PPP1R9A: variants seen among roughly 807,000 people sequenced by gnomAD.
PPP1R9A encodes neurabin-1.
PPP1R9A carries 59 observed loss-of-function variants against 141.9 expected under a neutral mutation model. The ratio of observed to expected loss-of-function variants is 0.42; its 90% CI spans 0.34 to 0.52. The LOEUF (loss-of-function observed/expected upper bound fraction) is 0.52, where lower values mean the gene tolerates loss of function less well. PPP1R9A is among the 20% of genes least tolerant of loss of function. PPP1R9A has a pLI of 0.10. For synonymous variants in PPP1R9A, 500 were observed against 569.7 expected (o/e 0.88, Z 1.74); for missense variants, 1,444 against 1,611.9 (o/e 0.90, Z 1.78).
intron 5 of PPP1R9A, among the ~76,000 whole-genome samples, chr7:95,165,977 G>A (rs548855999): frequency 2.1e-4 from 32 of 151,860 alleles, no homozygotes; most frequent in African/African-American, 4.3e-4. Flanking sequence ...GTAAAACCCC[G>A]TCTCTACTAA....
At chr7:95,105,966 TGAAA>T (rs1327974731) in intron 2 of PPP1R9A, among the ~76,000 whole-genome samples, 1 of 152,128 alleles carries the variant, frequency 6.6e-6, no homozygotes, top group Non-Finnish European at 1.5e-5. Flanking sequence ...AACATGTTTA[TGAAA>T]GAGAGTATGA....
chr7:95,221,553 C>T (rs1389606816), intron 7 of PPP1R9A, among the ~76,000 whole-genome samples: 1 of 151,954 alleles, frequency 6.6e-6, no homozygotes, highest in Admixed American at 6.6e-5. Flanking sequence ...AGAGACACAA[C>T]CTGTTGGTTG....
chr7:94,915,148 C>A (rs150562544), intron 2 of PPP1R9A, among the ~76,000 whole-genome samples: 4 of 152,314 alleles, frequency 2.6e-5, no homozygotes, highest in Non-Finnish European at 5.9e-5. Flanking sequence ...TTTCTCAAAT[C>A]ATATGGAGCT....
At chr7:94,931,576 T>G (rs900758719) in intron 2 of PPP1R9A, among the ~76,000 whole-genome samples, 1 of 152,138 alleles carries the variant, frequency 6.6e-6, no homozygotes, top group African/African-American at 2.4e-5. Context: ...GACTGGATTC[T>G]TTCTTATTTT....
chr7:95,254,322 G>A (rs1026212475), intron 12 of PPP1R9A, among the ~76,000 whole-genome samples: 2 of 152,162 alleles, frequency 1.3e-5, no homozygotes, highest in Admixed American at 1.3e-4. Flanking sequence ...AAATGGCGTG[G>A]TCAGTAGCTA....
chr7:95,000,451 A>AT (rs567612797), intron 2 of PPP1R9A, among the ~76,000 whole-genome samples: 7 of 151,302 alleles, frequency 4.6e-5, no homozygotes, highest in Non-Finnish European at 8.9e-5. Flanking sequence ...TAGTAGTTTG[A>AT]TTTTTTTTTA....
chr7:95,105,109 T>G (rs533763636), intron 2 of PPP1R9A, among the ~76,000 whole-genome samples: 1 of 152,316 alleles, frequency 6.6e-6, no homozygotes, highest in South Asian at 2.1e-4. Context: ...GGAGATTCCT[T>G]CCAGTCAGTA....
At chr7:95,131,988 A>G (rs1320285540) in intron 4 of PPP1R9A, among the ~76,000 whole-genome samples, 2 of 152,082 alleles carry the variant, frequency 1.3e-5, no homozygotes, top group African/African-American at 4.8e-5. Context: ...TTAGCTTTCA[A>G]CATGAGTGGT....
At chr7:95,253,203 G>A (rs1272950409) in intron 12 of PPP1R9A, among the ~76,000 whole-genome samples, 1 of 152,114 alleles carries the variant, frequency 6.6e-6, no homozygotes, top group Non-Finnish European at 1.5e-5. Context: ...AAAAGAATGT[G>A]GTGCAGCAGG....
chr7:95,010,112 C>T (rs1196539326), intron 2 of PPP1R9A, among the ~76,000 whole-genome samples: 1 of 152,156 alleles, frequency 6.6e-6, no homozygotes, highest in East Asian at 1.9e-4. Context: ...TTCATACTGG[C>T]TGGATGCTGT....
At chr7:95,199,245 C>T (rs538679418) in intron 6 of PPP1R9A, among the ~76,000 whole-genome samples, 36 of 152,198 alleles carry the variant, frequency 2.4e-4, no homozygotes, top group African/African-American at 7.5e-4. Context: ...ATTATAAACA[C>T]GTTTAAACAT....
At chr7:95,231,370 G>A (rs1214164424) in intron 8 of PPP1R9A, among the ~76,000 whole-genome samples, 14 of 152,044 alleles carry the variant, frequency 9.2e-5, no homozygotes, top group Admixed American at 9.2e-4. Context: ...AGAAACAATA[G>A]GCTTAAACTA....
intron 2 of PPP1R9A, among the ~76,000 whole-genome samples, chr7:95,088,232 A>G (rs1436101058): frequency 1.3e-5 from 2 of 151,958 alleles, no homozygotes; most frequent in Non-Finnish European, 2.9e-5. Flanking sequence ...TAGTCAATAT[A>G]ATTTATCAAT....
chr7:95,169,322 A>G (rs1451458785), intron 5 of PPP1R9A, among the ~76,000 whole-genome samples: 3 of 151,982 alleles, frequency 2.0e-5, no homozygotes, highest in Non-Finnish European at 4.4e-5. Flanking sequence ...AGTCCTATAT[A>G]GGAGCTAAAA....
chr7:94,927,424 A>C (rs1793621230), intron 2 of PPP1R9A, among the ~76,000 whole-genome samples: 1 of 152,194 alleles, frequency 6.6e-6, no homozygotes, highest in African/African-American at 2.4e-5. Flanking sequence ...CTACTATGTC[A>C]GATGTGATTT....
At chr7:95,120,433 G>T (rs1367685557) in intron 3 of PPP1R9A, among the ~76,000 whole-genome samples, 1 of 152,220 alleles carries the variant, frequency 6.6e-6, no homozygotes, top group Admixed American at 6.5e-5. Context: ...TTTTAAGGCA[G>T]AGTGACTATT....
In PPP1R9A at chr7:95,291,987, A is replaced by G. The variant is rs1293651559; in HGVS notation, c.*1684A>G. The G allele has an allele frequency of 6.6e-6, 1 of 152,020 alleles. No homozygotes were observed. The highest frequency in any genetic ancestry group is 1.9e-4 in the East Asian group (1 of 5,192). The allele number at this position is 152,020 out of a possible 1,614,324, so 9.4% of individuals were successfully genotyped here. On this transcript the variant is annotated 3_prime_UTR_variant, in exon 20 of 20. Transcript: ENST00000433360. ...AACTGGACATTTTTAATTCTGTTTT[A>G]CCCCCAAGGCCTGTTTTCTTTTCAT...
intron 2 of PPP1R9A, among the ~76,000 whole-genome samples, chr7:94,944,445 A>ACCCCCCCCCCCCC (rs1010581987): frequency 7.2e-5 from 9 of 125,430 alleles, no homozygotes; most frequent in African/African-American, 1.2e-4. Flanking sequence ...AGAAATATCC[A>ACCCCCCCCCCCCC]CCCCCCCACC....
intron 2 of PPP1R9A, among the ~76,000 whole-genome samples, chr7:94,996,061 C>G (rs760358580): frequency 2.6e-5 from 4 of 152,036 alleles, no homozygotes; most frequent in Non-Finnish European, 5.9e-5. Flanking sequence ...TTCTGAATAC[C>G]CAGTCTATTT....
Sources: gnomAD v4.1 joint callset for allele counts (sites outside exome capture counted in the v4.1 genomes callset) on GRCh38, gnomAD v4.1.1 for gene constraint, MANE v1.5 for transcripts, NCBI Gene and HGNC (gene_info 2026-07-23, HGNC 2026-07-21) for gene names.